The following DCAF8 variants were observed in gnomAD, a reference collection of about 807,000 sequenced individuals.
DCAF8 encodes DDB1- and CUL4-associated factor 8.
In DCAF8, 20 loss-of-function variants were observed where a neutral mutation model predicts 68.0. That is an observed-to-expected ratio of 0.29 (90% CI 0.21 to 0.43). The LOEUF is 0.43. DCAF8 is among the 20% of genes least tolerant of loss of function. The pLI is 1.00. For missense variants in DCAF8, 460 were observed against 771.0 expected (o/e 0.60, Z 4.78); for synonymous variants, 230 against 276.9 (o/e 0.83, Z 1.68).
intron 2 of DCAF8, among the ~76,000 whole-genome samples, chr1:160,247,324 A>G (rs1162472163): frequency 6.6e-6 from 1 of 152,246 alleles, no homozygotes; most frequent in African/African-American, 2.4e-5. Flanking sequence ...TAATTTCACT[A>G]AGAAATTCCA....
At chr1:160,245,556 G>A (rs1262857921) in intron 2 of DCAF8, among the ~76,000 whole-genome samples, 3 of 152,182 alleles carry the variant, frequency 2.0e-5, no homozygotes, top group Non-Finnish European at 4.4e-5. Flanking sequence ...GCCAAGGTGG[G>A]AATAGAAATA....
At chr1:160,229,409 A>G (rs1048507860) in intron 7 of DCAF8, among the ~76,000 whole-genome samples, 1 of 152,236 alleles carries the variant, frequency 6.6e-6, no homozygotes, top group Non-Finnish European at 1.5e-5. Context: ...TTGAAATGCT[A>G]AAACTCTAAG....
intron 7 of DCAF8, among the ~76,000 whole-genome samples, chr1:160,229,069 G>A (rs534155410): frequency 6.6e-6 from 1 of 152,314 alleles, no homozygotes; most frequent in East Asian, 1.9e-4. Flanking sequence ...AGAGGCCGAG[G>A]TGGGTGGATC....
rs149289222 is a variant in DCAF8 at position 160,229,301 on chromosome 1, A to G, written c.1070+1996T>C. On this transcript the variant is annotated intron_variant, in intron 7 of 13. Coordinates refer to ENST00000368074, the MANE Select transcript of DCAF8 (RefSeq NM_015726.4). The stretch of plus-strand genomic sequence containing the variant: ...ACAAAGTGAGACTCTGTCTCAAAAA[A>G]AAAACAAAAATCTTCACATAACTTC... 1.2e-3 allele frequency among the ~76,000 whole-genome samples: 176 copies of G among 152,268 alleles called. 4 individuals carry two copies. In the East Asian group the frequency reaches 0.031, roughly 27 times the overall value.
At position 160,250,421 on chromosome 1, in the gene DCAF8, G is replaced by A. The variant is rs545238994; in HGVS notation, c.-26-6387C>T. The stretch of plus-strand genomic sequence containing the variant: ...GCGGAGGTTGCGGTGAGCCAAGATC[G>A]CACCATTGCACTCCAGCCTGGGCAA... On this transcript the variant is annotated intron_variant, in intron 2 of 13. Coordinates refer to ENST00000368074, the MANE Select transcript of DCAF8 (RefSeq NM_015726.4). Among the ~76,000 whole-genome samples, 174 of 138,772 alleles carry A rather than the reference G, an allele frequency of 1.3e-3. 1 individual carries two copies. The highest frequency in any genetic ancestry group is 4.2e-3 in the African/African-American group (157 of 37,398). 91.0% of individuals were successfully genotyped at this position (138,772 alleles called of 152,430 possible).
intron 7 of DCAF8, among the ~76,000 whole-genome samples, chr1:160,228,820 T>C (rs1020165923): frequency 1.3e-5 from 2 of 152,142 alleles, no homozygotes; most frequent in Non-Finnish European, 2.9e-5. Flanking sequence ...AGCAAAAATG[T>C]TTTCAAATTT....
chr1:160,240,739 T>G (rs745852944), intron 3 of DCAF8, among the ~76,000 whole-genome samples: 1 of 152,158 alleles, frequency 6.6e-6, no homozygotes, highest in Non-Finnish European at 1.5e-5. Flanking sequence ...TAGCAAATAA[T>G]TAAACAGAAT....
At chr1:160,239,615 C>G (rs747227497) in intron 4 of DCAF8, 82 bp downstream of exon 4, 2 of 1,613,436 alleles carry the variant, frequency 1.2e-6, no homozygotes, top group Admixed American at 3.3e-5. Flanking sequence ...AACTCACTAT[C>G]AGCTCCCAAT....
At chr1:160,236,263 A>C (rs7517599) in intron 6 of DCAF8, among the ~76,000 whole-genome samples, 28,551 of 144,454 alleles carry the variant, frequency 0.2, 4,036 homozygotes, top group African/African-American at 0.43. Context: ...ATCACACACA[A>C]ACACACACAC....
Position 160,239,891 on chromosome 1 carries a change from T to C in DCAF8, c.529A>G (p.Arg177Gly). The C allele has an allele frequency of 6.2e-7, 1 of 1,614,244 alleles. No homozygotes were observed. The highest frequency in any genetic ancestry group is 8.5e-7 in the Non-Finnish European group (1 of 1,180,042). ...AGGCGGAAACGCTGCACAAAGACTC[T>C]TGCCCCACAGGCCTCATAGACAAAG... ...ARFVYEACGARVFVQRFRLQH... is the reference protein window; with the variant it reads ...ARFVYEACGAGVFVQRFRLQH... Residue 177 changes from arginine to glycine, a missense_variant, in exon 4 of 14, where the codon AGA (arginine) becomes GGA (glycine). Around this residue, in one of 8 missense-constraint regions of DCAF8, gnomAD observed 170 missense variants for 318.2 expected, o/e 0.53. Transcript: ENST00000368074.
At chr1:160,218,050 CT>C (rs1448650682) in intron 13 of DCAF8, 1 of 517,286 alleles carries the variant, frequency 1.9e-6, no homozygotes, top group African/African-American at 1.9e-5. Context: ...CACACTGAGA[CT>C]TGTTATTTCT....
At chr1:160,231,993 C>A (rs541048895) in intron 6 of DCAF8, among the ~76,000 whole-genome samples, 1 of 152,070 alleles carries the variant, frequency 6.6e-6, no homozygotes, top group South Asian at 2.1e-4. Flanking sequence ...GAATTTGAGA[C>A]CAGCCTGGCC....
At chr1:160,233,594 T>C (rs185458583) in intron 6 of DCAF8, among the ~76,000 whole-genome samples, 4 of 152,270 alleles carry the variant, frequency 2.6e-5, no homozygotes, top group Non-Finnish European at 2.9e-5. Flanking sequence ...GAGGAGGAGC[T>C]GATGCTGCTC....
chr1:160,236,877 A>T (rs913383985), intron 6 of DCAF8, among the ~76,000 whole-genome samples: 36 of 152,374 alleles, frequency 2.4e-4, no homozygotes, highest in African/African-American at 8.7e-4. Context: ...TATCCAAGTG[A>T]ATAAAGAGCA....
chr1:160,242,646 T>C (rs1378994782), intron 3 of DCAF8, among the ~76,000 whole-genome samples: 2 of 152,134 alleles, frequency 1.3e-5, no homozygotes, highest in Non-Finnish European at 2.9e-5. Flanking sequence ...TTGCAAATTT[T>C]TTCTGTAAAG....
chr1:160,252,046 G>A (rs894595877), intron 2 of DCAF8, among the ~76,000 whole-genome samples: 1 of 152,168 alleles, frequency 6.6e-6, no homozygotes. Flanking sequence ...CAACTGCAGA[G>A]AGACTCTAGC....
At chr1:160,231,540 T>C in intron 6 of DCAF8, 133 bp from the exon 7 acceptor site, 1 of 656,482 alleles carries the variant, frequency 1.5e-6, no homozygotes, top group South Asian at 2.0e-5. Context: ...AGAATTGTTG[T>C]GTTTTCTCTG....
At chr1:160,221,956 A>G (rs767598344) in intron 11 of DCAF8, among the ~76,000 whole-genome samples, 1 of 152,196 alleles carries the variant, frequency 6.6e-6, no homozygotes, top group African/African-American at 2.4e-5. Context: ...AAGGCCAGGC[A>G]GACTATGATA....
intron 6 of DCAF8, among the ~76,000 whole-genome samples, chr1:160,234,065 A>G (rs1290392572): frequency 1.3e-5 from 2 of 152,186 alleles, no homozygotes; most frequent in African/African-American, 4.8e-5. Context: ...TATTCCATCC[A>G]CAGGTTCAAA....
Sources: gnomAD v4.1 joint callset for allele counts (sites outside exome capture counted in the v4.1 genomes callset) on GRCh38, gnomAD v4.1.1 for gene constraint, gnomAD v4.1.1 regional missense constraint, MANE v1.5 for transcripts, NCBI Gene and HGNC (gene_info 2026-07-23, HGNC 2026-07-21) for gene names.